Variants in P2RY8 observed in about 807,000 individuals in gnomAD.
The protein encoded by P2RY8 is P2Y receptor family member 8.
In P2RY8, 6 loss-of-function variants were observed where a neutral mutation model predicts 10.0. That is an observed-to-expected ratio of 0.60 (90% CI 0.33 to 1.19). The LOEUF (loss-of-function observed/expected upper bound fraction) is 1.19. Ranked by LOEUF, P2RY8 falls within the 50% of genes most tolerant of loss-of-function variation. The pLI is 0.04. For missense variants in P2RY8, 456 were observed against 542.0 expected, an observed-to-expected ratio of 0.84 and a Z score of 1.58; for synonymous variants, 276 against 252.5, an observed-to-expected ratio of 1.09 and a Z score of -0.88.
At chrX:1,507,885 G>A (rs761030792) in intron 1 of P2RY8, among the ~76,000 whole-genome samples, 10 of 152,216 alleles carry the variant, frequency 6.6e-5, no homozygotes, top group East Asian at 1.9e-4. Context: ...GTAAAGGCAC[G>A]CCTGAATCAA....
At chrX:1,494,202 C>G (rs6645235) in intron 1 of P2RY8, 55,556 of 152,060 alleles carry the variant, frequency 0.37, 10,469 homozygotes, top group South Asian at 0.45. Context: ...CCTCCTGGGC[C>G]AGAGGCGGCT....
intron 1 of P2RY8, among the ~76,000 whole-genome samples, chrX:1,500,834 G>A (rs1425117931): frequency 2.0e-4 from 30 of 152,188 alleles, no homozygotes; most frequent in Admixed American, 1.8e-3. Flanking sequence ...ATGGGCTGCC[G>A]TGGACATAGG....
At position 1,465,853 on chromosome X, in the gene P2RY8, C is replaced by T. The variant is rs777416479; in HGVS notation, c.706G>A (p.Val236Met). The change falls in exon 2 of 2, where the codon GTG (valine) becomes ATG (methionine). Residue 236 changes from valine (V) to methionine (M), a missense_variant. Val to Met is a conservative substitution (Grantham distance 21, BLOSUM62 1). Transcript: ENST00000381297. ...AGCAAGACCACCGCGGCCAGGCCCACCGCGCGCCTCCGCTGCTCCCGGCCG... is the reference window on the plus strand; with the variant it reads ...AGCAAGACCACCGCGGCCAGGCCCATCGCGCGCCTCCGCTGCTCCCGGCCG... ...AHGREQRRRA[V>M]GLAAVVLLAF... 1.9e-6 allele frequency: 3 copies of T among 1,612,530 alleles called. No individual in the cohort carries two copies. Among genetic ancestry groups the T allele is most frequent in the Non-Finnish European group, 2.5e-6 (3 of 1,179,636 alleles).
intron 1 of P2RY8, among the ~76,000 whole-genome samples, chrX:1,535,728 G>GACACACAC (rs1394998161): frequency 7.3e-5 from 4 of 54,816 alleles, no homozygotes; most frequent in Non-Finnish European, 1.5e-4. Flanking sequence ...CACACACACA[G>GACACACAC]ACACACACAC....
At chrX:1,491,591 C>T (rs780494352) in intron 1 of P2RY8, among the ~76,000 whole-genome samples, 6 of 152,160 alleles carry the variant, frequency 3.9e-5, no homozygotes, top group African/African-American at 1.4e-4. Context: ...ATGAATGCCA[C>T]TCTGAGAATG....
intron 1 of P2RY8, among the ~76,000 whole-genome samples, chrX:1,469,743 C>CA (rs2091758915): frequency 6.6e-6 from 1 of 151,332 alleles, no homozygotes; most frequent in Non-Finnish European, 1.5e-5. Flanking sequence ...AACAAAAAAA[C>CA]AAAAAAATTA....
At chrX:1,519,563 G>A (rs2092376255) in intron 1 of P2RY8, among the ~76,000 whole-genome samples, 1 of 151,086 alleles carries the variant, frequency 6.6e-6, no homozygotes, top group South Asian at 2.1e-4. Flanking sequence ...CATCTCCTTG[G>A]TCTCCAATAT....
chrX:1,532,828 C>A (rs2092489603), intron 1 of P2RY8, among the ~76,000 whole-genome samples: 1 of 151,352 alleles, frequency 6.6e-6, no homozygotes, highest in Admixed American at 6.6e-5. Context: ...GGTGAAACCC[C>A]GTCTCTACTA....
intron 1 of P2RY8, among the ~76,000 whole-genome samples, chrX:1,473,334 ATGGGTGGATGAATGG>A (rs2091820099): frequency 2.7e-5 from 2 of 74,144 alleles, no homozygotes; most frequent in South Asian, 4.9e-4. Flanking sequence ...AGATGGATGC[ATGGGTGGATGAATGG>A]TGGATGGGTT....
intron 1 of P2RY8, among the ~76,000 whole-genome samples, chrX:1,499,354 C>T (rs1205976052): frequency 4.0e-5 from 6 of 151,638 alleles, no homozygotes; most frequent in South Asian, 2.1e-4. Context: ...TTAGTAGAGA[C>T]GGGGTTTCAC....
rs750870419 is a variant in P2RY8 at position 1,465,811 on chromosome X, A to G, written c.748T>C (p.Phe250Leu). 1 of 1,613,354 alleles carries G rather than the reference A, an allele frequency of 6.2e-7. No homozygotes were observed. The highest frequency in any genetic ancestry group is 1.7e-5 in the Admixed American group (1 of 60,022). ...AGGAGCACGAAGTTGTTGGGGGCGA[A>G]GCAGGTGACAAAGGCCAGCAAGACC... ...AVVLLAFVTC[F>L]APNNFVLLAH... Residue 250 changes from phenylalanine to leucine, a missense_variant, in exon 2 of 2, where the codon TTC becomes CTC. Phe to Leu is a conservative substitution (Grantham distance 22). Coordinates refer to ENST00000381297, the MANE Select transcript of P2RY8 (RefSeq NM_178129.5).
intron 1 of P2RY8, among the ~76,000 whole-genome samples, chrX:1,517,549 A>C (rs1437268639): frequency 4.6e-5 from 7 of 152,134 alleles, no homozygotes; most frequent in African/African-American, 1.7e-4. Flanking sequence ...AAGTCATCTG[A>C]GGGCTCTGAG....
intron 1 of P2RY8, among the ~76,000 whole-genome samples, chrX:1,504,959 T>C (rs1200506996): frequency 2.6e-5 from 4 of 151,996 alleles, no homozygotes; most frequent in Admixed American, 1.3e-4. Flanking sequence ...GGTGAAACCC[T>C]GTCTCTACTA....
chrX:1,496,432 C>T (rs1425948211), intron 1 of P2RY8, among the ~76,000 whole-genome samples: 3 of 152,156 alleles, frequency 2.0e-5, no homozygotes, highest in East Asian at 1.9e-4. Context: ...CTCCCGGGTG[C>T]GACTCCCTGG....
At position 1,537,088 on chromosome X, in the gene P2RY8, C is replaced by G. The variant is rs566595531; in HGVS notation, c.-192G>C. ...AAGTGCTTGAGAAGGTGTTCGTGGG[C>G]GGCAGACGGCTGCCCTTCCAGTTCC... is the stretch of plus-strand genomic sequence containing the variant. On this transcript the variant is annotated 5_prime_UTR_variant, in exon 1 of 2. Coordinates refer to ENST00000381297, the MANE Select transcript of P2RY8 (RefSeq NM_178129.5). 6.5e-5 allele frequency: 15 copies of G among 232,470 alleles called. No individual in the cohort carries two copies. The South Asian group carries it at 2.5e-3, about 39-fold the overall frequency. 14.4% of individuals were successfully genotyped at this position (232,470 alleles called of 1,614,324 possible). A position where few individuals can be genotyped will look rare whatever the true frequency, so the allele number is the denominator to read the frequency against.
chrX:1,493,782 G>A (rs2092090774), intron 1 of P2RY8, among the ~76,000 whole-genome samples: 1 of 152,154 alleles, frequency 6.6e-6, no homozygotes, highest in Admixed American at 6.5e-5. Flanking sequence ...AAACGGACAA[G>A]ACGATTTTGC....
intron 1 of P2RY8, among the ~76,000 whole-genome samples, chrX:1,524,395 C>CCATCCATTCATCCATCCATCCA (rs1569538679): frequency 1.4e-4 from 10 of 71,238 alleles, no homozygotes; most frequent in South Asian, 1.2e-3. Flanking sequence ...CCATCCATCC[C>CCATCCATTCATCCATCCATCCA]TCCATCCATG....
At chrX:1,477,550 A>ATCG (rs55786243) in intron 1 of P2RY8, among the ~76,000 whole-genome samples, 79,944 of 151,402 alleles carry the variant, frequency 0.53, 21,267 homozygotes, top group South Asian at 0.65. Context: ...GTGTTCATCA[A>ATCG]TCTATCAATT....
At chrX:1,534,325 G>A (rs1395259785) in intron 1 of P2RY8, among the ~76,000 whole-genome samples, 1 of 149,766 alleles carries the variant, frequency 6.7e-6, no homozygotes, top group Non-Finnish European at 1.5e-5. Flanking sequence ...TTTATCCTAA[G>A]TGAACACAGA....
Sources: allele counts gnomAD v4.1 joint callset (sites outside exome capture counted in the v4.1 genomes callset), GRCh38; gene constraint gnomAD v4.1.1; transcripts MANE v1.5; gene names NCBI Gene and HGNC (gene_info 2026-07-23, HGNC 2026-07-21).